USP14: variants seen among roughly 807,000 people sequenced by gnomAD.
USP14 encodes ubiquitin carboxyl-terminal hydrolase 14.
In USP14, 38 loss-of-function variants were observed where a neutral mutation model predicts 76.5. The observed-to-expected ratio is 0.50, with a 90% confidence interval of 0.38 to 0.65. USP14 has a LOEUF of 0.65. USP14 is among the 30% of genes least tolerant of loss of function. The pLI, the probability that USP14 is intolerant of heterozygous loss-of-function variation, is 0.00. For missense variants in USP14, 467 were observed against 586.5 expected, an observed-to-expected ratio of 0.80 and a Z score of 2.10; for synonymous variants, 192 against 191.7, an observed-to-expected ratio of 1.00 and a Z score of -0.01.
intron 13 of USP14, among the ~76,000 whole-genome samples, chr18:208,309 C>T (rs1265517239): frequency 6.6e-6 from 1 of 151,988 alleles, no homozygotes; most frequent in Non-Finnish European, 1.5e-5. Context: ...GTATTTATTA[C>T]CCTTTTGATG....
chr18:179,002 G>A lies in USP14; in HGVS notation c.265G>A (p.Val89Ile), dbSNP rs141269921. The stretch of plus-strand genomic sequence containing the variant: ...AGAACCCTCAGCCAAAACTGTCTTC[G>A]TAGAAGACATGACAGAAGAACAGTT... ...PEEPSAKTVF[V>I]EDMTEEQLAS... The change falls in exon 4 of 16, where the codon GTA becomes ATA. Residue 89 changes from valine (V) to isoleucine (I), a missense_variant. Transcript: ENST00000261601. 113 of 1,612,924 alleles carry A rather than the reference G, an allele frequency of 7.0e-5. No homozygotes were observed. The highest frequency in any genetic ancestry group is 3.6e-4 in the South Asian group (33 of 90,950).
chr18:203,671 G>A (rs1197564235), intron 12 of USP14, among the ~76,000 whole-genome samples: 2 of 151,648 alleles, frequency 1.3e-5, no homozygotes, highest in African/African-American at 2.4e-5. Context: ...GTGCAGTGGC[G>A]CTATCTTGGC....
rs1007920085 is a variant in USP14, at chr18:213,449, T to G, written c.*2165T>G. 1 of 152,526 alleles carries G rather than the reference T, an allele frequency of 6.6e-6. No individual in the cohort carries two copies. The highest frequency in any genetic ancestry group is 1.5e-5 in the Non-Finnish European group (1 of 68,034). 9.4% of individuals were successfully genotyped at this position (152,526 alleles called of 1,614,324 possible). A position where few individuals can be genotyped will look rare whatever the true frequency, so the allele number is the denominator to read the frequency against. On this transcript the variant is annotated 3_prime_UTR_variant, in exon 16 of 16. Coordinates refer to ENST00000261601, the MANE Select transcript of USP14 (RefSeq NM_005151.4). ...GGGAGTTAGTTATACCAGTGTTGTTTTTAACTAATAAGGCTATTTTAGAAT... is the reference window on the plus strand; with the variant it reads ...GGGAGTTAGTTATACCAGTGTTGTTGTTAACTAATAAGGCTATTTTAGAAT...
chr18:158,934 T>C, intron 1 of USP14: 1 of 567,910 alleles, frequency 1.8e-6, no homozygotes, highest in South Asian at 7.2e-5. Context: ...CACCGATGGG[T>C]GGGGGGAGTG....
In USP14 at chr18:186,857, T is replaced by C. The variant is rs541411199; in HGVS notation, c.405-5985T>C. Among the ~76,000 whole-genome samples the C allele has an allele frequency of 6.6e-5, 10 of 152,340 alleles. No homozygotes were observed. In the East Asian group the frequency reaches 9.6e-4, roughly 15 times the overall value. Reference sequence around the variant, plus strand: ...TTTTTATAACCAATTCAAACAGTCTTAAATTTGTGCTCATGTCTTTGTTTT... The same window carrying C: ...TTTTTATAACCAATTCAAACAGTCTCAAATTTGTGCTCATGTCTTTGTTTT... On this transcript the variant is annotated intron_variant, in intron 5 of 15. Coordinates refer to ENST00000261601, the MANE Select transcript of USP14 (RefSeq NM_005151.4).
chr18:175,701 T>C (rs1370293310), intron 3 of USP14, among the ~76,000 whole-genome samples: 2 of 152,290 alleles, frequency 1.3e-5, no homozygotes, highest in South Asian at 2.1e-4. Context: ...TTGCTATCAG[T>C]GTAATGTTAG....
chr18:163,665 A>T (rs1393878263), intron 2 of USP14, among the ~76,000 whole-genome samples: 1 of 152,164 alleles, frequency 6.6e-6, no homozygotes, highest in East Asian at 1.9e-4. Flanking sequence ...TATTATAAAA[A>T]CATCGTTTTA....
rs777900147 is a variant in USP14 at position 192,918 on chromosome 18, A to G, written c.463+18A>G. 5 of 1,605,144 alleles carry G rather than the reference A, an allele frequency of 3.1e-6. No homozygotes were observed. Among genetic ancestry groups the G allele is most frequent in the Non-Finnish European group, 4.3e-6 (5 of 1,174,942 alleles). On this transcript the variant is annotated intron_variant, in intron 6 of 15. Coordinates refer to ENST00000261601, the MANE Select transcript of USP14 (RefSeq NM_005151.4). ...TACTGCAGGTTTGTATACTAAATAT[A>G]CTACTTTTTGATAGGAGTAAGACAT...
rs557492909 is a variant in USP14, at chr18:172,785, A to G, written c.195+5966A>G. ...TCCTTTTTAGACATAATGCTGTTGC[A>G]TACTTCACAGACTGATATAAACATG... On this transcript the variant is annotated intron_variant, in intron 3 of 15. Transcript: ENST00000261601. 4.6e-5 allele frequency among the ~76,000 whole-genome samples: 7 copies of G among 152,278 alleles called. No homozygotes were observed. The South Asian group carries it at 1.5e-3, about 32-fold the overall frequency.
chr18:202,895 A>G lies in USP14; in HGVS notation c.892A>G (p.Ile298Val). The G allele has an allele frequency of 6.2e-7, 1 of 1,614,144 alleles. No individual in the cohort carries two copies. The highest frequency in any genetic ancestry group is 8.5e-7 in the Non-Finnish European group (1 of 1,179,994). ...TGLKLRLQEE[I>V]TKQSPTLQRN... ...TCTTTCTTAGCGACTTCAGGAAGAA[A>G]TCACCAAACAGTCTCCAACGTTGCA... Residue 298 changes from isoleucine to valine, a missense_variant, in exon 11 of 16, where the codon ATC (isoleucine) becomes GTC (valine). Transcript: ENST00000261601.
At chr18:185,537 A>G (rs1014555525) in intron 5 of USP14, among the ~76,000 whole-genome samples, 1 of 152,132 alleles carries the variant, frequency 6.6e-6, no homozygotes, top group Non-Finnish European at 1.5e-5. Flanking sequence ...GAACTGAGAC[A>G]CTCGGAGAGA....
At chr18:197,741 AT>A (rs35489764) in intron 8 of USP14, 45 bp downstream of exon 8, 486,112 of 1,283,094 alleles carry the variant, frequency 0.38, 80,203 homozygotes, top group South Asian at 0.49. Context: ...TTATACCTTG[AT>A]TTTTTTTTTT....
rs146562658 is a variant in USP14 at position 163,604 on chromosome 18, G to A, written c.162+151G>A. The A allele has an allele frequency of 8.1e-4, 663 of 815,642 alleles. 1 individual carries two copies. In the African/African-American group the frequency reaches 0.01, roughly 12 times the overall value. The allele number at this position is 815,642 out of a possible 1,614,324, so 50.5% of individuals were successfully genotyped here. A position where few individuals can be genotyped will look rare whatever the true frequency, so the allele number is the denominator to read the frequency against. ...AGCTATGGTGTTAAAACTGTCTTAT[G>A]CCTGTTAGAGTAAGGGAGAAATATT... On this transcript the variant is annotated intron_variant, in intron 2 of 15. Coordinates refer to ENST00000261601, the MANE Select transcript of USP14 (RefSeq NM_005151.4).
intron 13 of USP14, among the ~76,000 whole-genome samples, chr18:205,030 A>G (rs1480488208): frequency 6.6e-6 from 1 of 151,712 alleles, no homozygotes; most frequent in African/African-American, 2.4e-5. Context: ...GTGCGCCACC[A>G]TGCCCAGCTA....
chr18:177,423 A>G (rs951484470), intron 3 of USP14, among the ~76,000 whole-genome samples: 1 of 129,668 alleles, frequency 7.7e-6, no homozygotes, highest in Non-Finnish European at 1.6e-5. Context: ...CCCTGTCTCT[A>G]AAAAAAAAAA....
intron 10 of USP14, among the ~76,000 whole-genome samples, chr18:200,518 A>T (rs961564600): frequency 6.6e-6 from 1 of 152,190 alleles, no homozygotes; most frequent in African/African-American, 2.4e-5. Context: ...CCAGAACTAG[A>T]ACTTGCTTCT....
At chr18:178,305 C>G (rs1280294262) in intron 3 of USP14, among the ~76,000 whole-genome samples, 2 of 152,104 alleles carry the variant, frequency 1.3e-5, no homozygotes, top group Admixed American at 6.6e-5. Flanking sequence ...CATGAGCCAC[C>G]ATGCCTGGTC....
At chr18:179,724 A>G (rs984922240) in intron 4 of USP14, among the ~76,000 whole-genome samples, 2 of 150,386 alleles carry the variant, frequency 1.3e-5, no homozygotes, top group Admixed American at 6.6e-5. Context: ...AGTAGCGAAA[A>G]TTGTAGGCGT....
At chr18:173,406 C>A (rs1382354341) in intron 3 of USP14, among the ~76,000 whole-genome samples, 1 of 150,662 alleles carries the variant, frequency 6.6e-6, no homozygotes, top group South Asian at 2.1e-4. Flanking sequence ...CCACCATGCC[C>A]GGCCTATATT....
Sources: allele counts gnomAD v4.1 joint callset (sites outside exome capture counted in the v4.1 genomes callset), GRCh38; gene constraint gnomAD v4.1.1; transcripts MANE v1.5; gene names NCBI Gene and HGNC (gene_info 2026-07-23, HGNC 2026-07-21).